GARIN1A: variants seen among roughly 807,000 people sequenced by gnomAD.
GARIN1A encodes Golgi-associated RAB2 interactor protein 1A.
At chr7:128,684,606 C>G in the GARIN1A span, 3 of 108,838 alleles carry the variant, frequency 2.8e-5, no homozygotes, top group African/African-American at 1.1e-4. Flanking sequence ...CAGAGCCAGA[C>G]TCCATCTCAA....
At chr7:128,684,093 A>T in the GARIN1A span, 1 of 152,206 alleles carries the variant, frequency 6.6e-6, no homozygotes. Context: ...AGGGAGACAG[A>T]TCCAAATCAT....
At chr7:128,691,538 G>C in the GARIN1A span, 5 of 152,174 alleles carry the variant, frequency 3.3e-5, 1 homozygote, top group South Asian at 1.0e-3. Flanking sequence ...CTTAGTCAAA[G>C]GATGAGATAA....
At chr7:128,680,525 G>A in the GARIN1A span, among the ~76,000 whole-genome samples, 102 of 151,268 alleles carry the variant, frequency 6.7e-4, 1 homozygote, top group Middle Eastern at 0.014. Context: ...TGCCTCATCT[G>A]CCTCTTCTTT....
the GARIN1A span, chr7:128,672,395 C>G: frequency 1.2e-6 from 2 of 1,605,098 alleles, no homozygotes; most frequent in Non-Finnish European, 1.7e-6. Context: ...TTACCAAGAA[C>G]CAATGAGTAA....
At chr7:128,689,647 G>A in the GARIN1A span, among the ~76,000 whole-genome samples, 1 of 150,508 alleles carries the variant, frequency 6.6e-6, no homozygotes, top group African/African-American at 2.4e-5. Flanking sequence ...CAGCCACCCC[G>A]TCTGGGAAGT....
At chr7:128,677,057 T>G in the GARIN1A span, among the ~76,000 whole-genome samples, 8 of 151,874 alleles carry the variant, frequency 5.3e-5, no homozygotes, top group Admixed American at 3.9e-4. Flanking sequence ...TACACCTGTA[T>G]TCCTACTAAA....
At chr7:128,705,046 C>A in the GARIN1A span, among the ~76,000 whole-genome samples, 1 of 152,206 alleles carries the variant, frequency 6.6e-6, no homozygotes, top group South Asian at 2.1e-4. Flanking sequence ...TTTCACTTAG[C>A]CTTACTCTTG....
the GARIN1A span, among the ~76,000 whole-genome samples, chr7:128,671,717 A>G: frequency 6.6e-6 from 1 of 152,022 alleles, no homozygotes; most frequent in African/African-American, 2.4e-5. Context: ...TGAAAATGTA[A>G]CAACCAGCTC....
chr7:128,705,648 T>C, the GARIN1A span, among the ~76,000 whole-genome samples: 3 of 140,674 alleles, frequency 2.1e-5, no homozygotes, highest in Admixed American at 1.7e-4. Flanking sequence ...ATGGTGATTT[T>C]TTTGGTGTTT....
chr7:128,708,700 A>G, the GARIN1A span, among the ~76,000 whole-genome samples: 1 of 152,134 alleles, frequency 6.6e-6, no homozygotes, highest in Non-Finnish European at 1.5e-5. Flanking sequence ...TCCAGATTTT[A>G]TGTCTTTTCT....
At chr7:128,689,895 C>T in the GARIN1A span, among the ~76,000 whole-genome samples, 23,859 of 152,084 alleles carry the variant, frequency 0.16, 2,282 homozygotes, top group African/African-American at 0.26. Flanking sequence ...GCCACCACCC[C>T]GTCTGGGAGG....
At chr7:128,688,892 A>G in the GARIN1A span, among the ~76,000 whole-genome samples, 14 of 125,982 alleles carry the variant, frequency 1.1e-4, no homozygotes, top group Non-Finnish European at 2.2e-4. Flanking sequence ...GCTCACTGCA[A>G]CCTCCCTGCC....
chr7:128,687,603 C>T, the GARIN1A span: 1 of 152,056 alleles, frequency 6.6e-6, no homozygotes. Flanking sequence ...TCTCTTTGCT[C>T]TCTGTTGGAA....
At chr7:128,688,188 T>A in the GARIN1A span, among the ~76,000 whole-genome samples, 1 of 152,046 alleles carries the variant, frequency 6.6e-6, no homozygotes, top group African/African-American at 2.4e-5. Flanking sequence ...ATTTTTGTAT[T>A]TTTAGTAGAG....
chr7:128,684,614 CAA>C, the GARIN1A span: 13,148 of 92,190 alleles, frequency 0.14, 616 homozygotes, highest in African/African-American at 0.24. Context: ...GACTCCATCT[CAA>C]AAAAAAAAAA....
the GARIN1A span, among the ~76,000 whole-genome samples, chr7:128,702,328 G>A: frequency 6.6e-6 from 1 of 152,046 alleles, no homozygotes; most frequent in Non-Finnish European, 1.5e-5. Flanking sequence ...TATATTATAG[G>A]TTTGTAACAT....
At chr7:128,688,917 C>A in the GARIN1A span, among the ~76,000 whole-genome samples, 2 of 151,174 alleles carry the variant, frequency 1.3e-5, no homozygotes, top group African/African-American at 4.9e-5. Context: ...TCTCCTGCCT[C>A]AGCCTGCCGA....
At chr7:128,678,964 A>C in the GARIN1A span, among the ~76,000 whole-genome samples, 1 of 151,468 alleles carries the variant, frequency 6.6e-6, no homozygotes, top group African/African-American at 2.4e-5. Context: ...CAATCGTTAC[A>C]TACATATATA....
the GARIN1A span, among the ~76,000 whole-genome samples, chr7:128,695,758 G>T: frequency 2.0e-5 from 3 of 151,788 alleles, no homozygotes; most frequent in Non-Finnish European, 4.4e-5. The surrounding 1 kb of genome is among the most constrained non-coding windows in gnomAD (Gnocchi z 4.5). Context: ...TGGCCAAGCT[G>T]GTCTTGAACA....
Sources: gnomAD v4.1 joint callset for allele counts (sites outside exome capture counted in the v4.1 genomes callset) on GRCh38, gnomAD v4.1.1 for gene constraint, Gnocchi (gnomAD v3.1) non-coding constraint, MANE v1.5 for transcripts, NCBI Gene and HGNC (gene_info 2026-07-23, HGNC 2026-07-21) for gene names.